SGCZ: variants seen among roughly 807,000 people sequenced by gnomAD.
SGCZ encodes the protein sarcoglycan zeta.
SGCZ carries 40 observed loss-of-function variants against 41.3 expected under a neutral mutation model. The observed-to-expected ratio is 0.97, with a 90% CI of 0.75 to 1.26. The LOEUF (loss-of-function observed/expected upper bound fraction) is 1.26. Ranked by LOEUF, SGCZ falls within the 50% of genes most tolerant of loss-of-function variation. SGCZ has a pLI of 0.00. For missense variants in SGCZ, 552 were observed against 369.8 expected (o/e 1.49, Z -4.04); for synonymous variants, 206 against 137.5 (o/e 1.50, Z -3.49).
At chr8:14,597,320 T>G (rs1001106116) in intron 1 of SGCZ, among the ~76,000 whole-genome samples, 5 of 152,104 alleles carry the variant, frequency 3.3e-5, no homozygotes, top group African/African-American at 1.2e-4. Context: ...GTCAAGGACT[T>G]TTAAGTTAGA....
chr8:14,725,090 C>G lies in SGCZ; in HGVS notation c.40-170164G>C, dbSNP rs187695738. ...TTTAGCTCCCACATATGAGTGAGAACACACAGTATTTGTCTTTCTGTGCTT... is the reference window on the plus strand; with the variant it reads ...TTTAGCTCCCACATATGAGTGAGAAGACACAGTATTTGTCTTTCTGTGCTT... On this transcript the variant is annotated intron_variant, in intron 1 of 7. Coordinates refer to ENST00000382080, the MANE Select transcript of SGCZ (RefSeq NM_139167.4). Among the ~76,000 whole-genome samples, 431 of 152,254 alleles carry G rather than the reference C, an allele frequency of 2.8e-3. 6 individuals carry two copies. Among genetic ancestry groups the G allele is most frequent in the African/African-American group, 7.9e-3 (330 of 41,546 alleles).
At chr8:14,968,828 G>A (rs1048187812) in intron 1 of SGCZ, among the ~76,000 whole-genome samples, 1 of 152,062 alleles carries the variant, frequency 6.6e-6, no homozygotes, top group African/African-American at 2.4e-5. Flanking sequence ...GGTAACAACT[G>A]GAGGCCAAGG....
chr8:14,254,996 T>A (rs1169357280), intron 3 of SGCZ, among the ~76,000 whole-genome samples: 1 of 152,184 alleles, frequency 6.6e-6, no homozygotes, highest in Non-Finnish European at 1.5e-5. Flanking sequence ...TTCTATTATT[T>A]CTCCAGTTTG....
At chr8:14,653,483 A>G (rs1390198008) in intron 1 of SGCZ, among the ~76,000 whole-genome samples, 1 of 152,100 alleles carries the variant, frequency 6.6e-6, no homozygotes, top group Non-Finnish European at 1.5e-5. Context: ...ATACACACCA[A>G]GTCTCACTAT....
chr8:14,802,081 G>A (rs1479039243), intron 1 of SGCZ, among the ~76,000 whole-genome samples: 2 of 152,150 alleles, frequency 1.3e-5, no homozygotes, highest in Non-Finnish European at 1.5e-5. Context: ...GAGCATGTTG[G>A]AAATGACGGG....
chr8:14,879,802 A>C (rs1357987217), intron 1 of SGCZ: 2 of 132,180 alleles, frequency 1.5e-5, no homozygotes, highest in African/African-American at 2.7e-5. Flanking sequence ...TTGTAGATTA[A>C]AAAAAAAAAA....
chr8:15,063,826 A>C (rs1406882028), intron 1 of SGCZ, among the ~76,000 whole-genome samples: 11 of 152,170 alleles, frequency 7.2e-5, no homozygotes, highest in African/African-American at 2.2e-4. Context: ...AATTTAACTT[A>C]CTATAGTTTC....
intron 3 of SGCZ, among the ~76,000 whole-genome samples, chr8:14,246,466 G>A (rs1799094588): frequency 6.6e-6 from 1 of 151,914 alleles, no homozygotes; most frequent in Non-Finnish European, 1.5e-5. Context: ...GGAGCGGGGA[G>A]GGATAGCATT....
chr8:14,817,438 C>T (rs555333153), intron 1 of SGCZ, among the ~76,000 whole-genome samples: 4 of 152,268 alleles, frequency 2.6e-5, no homozygotes, highest in Non-Finnish European at 4.4e-5. Flanking sequence ...GAGTAGGAGG[C>T]CAACTTAGGA....
chr8:14,278,419 C>T (rs75188653), intron 3 of SGCZ, among the ~76,000 whole-genome samples: 9,439 of 152,118 alleles, frequency 0.062, 921 homozygotes, highest in African/African-American at 0.2. Context: ...ACTGAGCCAT[C>T]CAAATAATTT....
intron 1 of SGCZ, among the ~76,000 whole-genome samples, chr8:15,177,732 G>A (rs1459545181): frequency 3.9e-5 from 6 of 152,046 alleles, no homozygotes; most frequent in African/African-American, 1.4e-4. Context: ...TTGTTTTATG[G>A]CTTAAAATGA....
intron 1 of SGCZ, among the ~76,000 whole-genome samples, chr8:14,863,929 C>A (rs565528264): frequency 6.6e-6 from 1 of 152,016 alleles, no homozygotes; most frequent in Non-Finnish European, 1.5e-5. Flanking sequence ...AAGAAATGAC[C>A]AGAACTTTGT....
chr8:14,551,456 T>A (rs186745289), intron 2 of SGCZ, among the ~76,000 whole-genome samples: 1,320 of 4,510 alleles, frequency 0.29, 106 homozygotes, highest in Middle Eastern at 0.5. Flanking sequence ...ATATATATAT[T>A]ATATATATTA....
chr8:14,420,199 T>A (rs1165691503), intron 2 of SGCZ, among the ~76,000 whole-genome samples: 7 of 152,040 alleles, frequency 4.6e-5, no homozygotes, highest in Non-Finnish European at 1.0e-4. Context: ...AATTTGACTC[T>A]CCCATTTTTT....
rs1285479289 is a variant in SGCZ at position 14,107,066 on chromosome 8, A to G, written c.620+1097T>C. 3.3e-5 allele frequency among the ~76,000 whole-genome samples: 5 copies of G among 152,122 alleles called. No individual in the cohort carries two copies. In the East Asian group the frequency reaches 7.8e-4, roughly 24 times the overall value. ...CCCGTCTCTACTAAAAATACAAAAA[A>G]TTAACCGGGCACAATGGCGGGCGCC... On this transcript the variant is annotated intron_variant, in intron 6 of 7. Coordinates refer to ENST00000382080, the MANE Select transcript of SGCZ (RefSeq NM_139167.4).
chr8:15,054,560 A>G (rs77702572), intron 1 of SGCZ, among the ~76,000 whole-genome samples: 2,387 of 152,308 alleles, frequency 0.016, 49 homozygotes, highest in African/African-American at 0.053. Flanking sequence ...GCCGTAGTAT[A>G]TAACAGTTTA....
At chr8:14,857,788 C>A (rs1803593605) in intron 1 of SGCZ, among the ~76,000 whole-genome samples, 1 of 152,084 alleles carries the variant, frequency 6.6e-6, no homozygotes, top group Non-Finnish European at 1.5e-5. Flanking sequence ...ATTGCTTGAA[C>A]CCAGGAGGTG....
At chr8:14,303,725 T>C (rs1801265034) in intron 3 of SGCZ, among the ~76,000 whole-genome samples, 1 of 151,994 alleles carries the variant, frequency 6.6e-6, no homozygotes, top group Non-Finnish European at 1.5e-5. Context: ...TCTCTCTCTA[T>C]ATATATATAG....
At chr8:14,978,433 T>C (rs938684913) in intron 1 of SGCZ, among the ~76,000 whole-genome samples, 1 of 103,510 alleles carries the variant, frequency 9.7e-6, no homozygotes, top group Non-Finnish European at 1.7e-5. Context: ...ATCGCGGCAT[T>C]GCACTCTAGC....
Sources: allele counts gnomAD v4.1 joint callset (sites outside exome capture counted in the v4.1 genomes callset), GRCh38; gene constraint gnomAD v4.1.1; transcripts MANE v1.5; gene names NCBI Gene and HGNC (gene_info 2026-07-23, HGNC 2026-07-21).